The following LRP1B variants were observed in gnomAD, a reference collection of about 807,000 sequenced individuals.
The protein encoded by LRP1B is low-density lipoprotein receptor-related protein 1B.
A neutral mutation model predicts 556.6 loss-of-function variants in LRP1B; 217 were observed. The observed-to-expected ratio is 0.39, with a 90% confidence interval of 0.35 to 0.44. The LOEUF (loss-of-function observed/expected upper bound fraction) is 0.44. Ranked by LOEUF, LRP1B falls within the 20% of genes least tolerant of loss-of-function variation. LRP1B has a pLI of 1.00. For missense variants in LRP1B, 5,053 were observed against 5,620.8 expected (o/e 0.90, Z 3.23); for synonymous variants, 2,047 against 1,865.8 (o/e 1.10, Z -2.50).
At chr2:140,562,045 G>T (rs1004339148) in intron 43 of LRP1B, among the ~76,000 whole-genome samples, 17 of 152,164 alleles carry the variant, frequency 1.1e-4, no homozygotes, top group African/African-American at 4.1e-4. Flanking sequence ...TTCATGAGAA[G>T]AAGATACAGC....
At chr2:141,897,534 C>T (rs944429329) in intron 1 of LRP1B, among the ~76,000 whole-genome samples, 2 of 152,174 alleles carry the variant, frequency 1.3e-5, no homozygotes, top group African/African-American at 4.8e-5. Context: ...CTAAGGAGTT[C>T]CACTCCCTCC....
At chr2:140,602,807 T>G (rs561122861) in intron 41 of LRP1B, among the ~76,000 whole-genome samples, 1 of 152,120 alleles carries the variant, frequency 6.6e-6, no homozygotes, top group South Asian at 2.1e-4. Context: ...TGGCTATCAT[T>G]TTAGTTGCCA....
At chr2:141,591,834 TAGCCA>T (rs1687351880) in intron 2 of LRP1B, among the ~76,000 whole-genome samples, 1 of 151,938 alleles carries the variant, frequency 6.6e-6, no homozygotes, top group African/African-American at 2.4e-5. Context: ...TGGGACACAA[TAGCCA>T]GCTGTTATTT....
intron 2 of LRP1B, among the ~76,000 whole-genome samples, chr2:141,784,026 C>A (rs1204456678): frequency 2.0e-5 from 3 of 151,828 alleles, no homozygotes; most frequent in Non-Finnish European, 4.4e-5. Flanking sequence ...GTGATAAAAT[C>A]AATCTCTTTA....
intron 77 of LRP1B, among the ~76,000 whole-genome samples, chr2:140,342,736 A>C (rs1199255714): frequency 6.6e-6 from 1 of 151,622 alleles, no homozygotes; most frequent in African/African-American, 2.4e-5. Flanking sequence ...GAGAAATGAA[A>C]GACTAATATT....
At chr2:140,571,253 T>C (rs933429628) in intron 43 of LRP1B, among the ~76,000 whole-genome samples, 3 of 151,754 alleles carry the variant, frequency 2.0e-5, no homozygotes, top group Non-Finnish European at 4.4e-5. Context: ...ATCTTCCATA[T>C]AGGAAACCCT....
chr2:140,976,851 C>A (rs1192833072), intron 18 of LRP1B, among the ~76,000 whole-genome samples: 1 of 151,948 alleles, frequency 6.6e-6, no homozygotes, highest in Admixed American at 6.6e-5. Flanking sequence ...TAGGTAATTT[C>A]CAAAGTTGAA....
intron 3 of LRP1B, among the ~76,000 whole-genome samples, chr2:141,255,738 T>C (rs1650355561): frequency 6.6e-6 from 1 of 151,876 alleles, no homozygotes; most frequent in African/African-American, 2.4e-5. Context: ...TCCAGATTTA[T>C]ACTCCATTTC....
chr2:140,888,582 ATGAG>A (rs927357411), intron 23 of LRP1B, among the ~76,000 whole-genome samples: 3 of 151,784 alleles, frequency 2.0e-5, no homozygotes, highest in African/African-American at 7.2e-5. Flanking sequence ...TAAAAAACAG[ATGAG>A]TAAGATATGC....
At chr2:141,650,810 T>C (rs1175353652) in intron 2 of LRP1B, among the ~76,000 whole-genome samples, 1 of 152,212 alleles carries the variant, frequency 6.6e-6, no homozygotes, top group Non-Finnish European at 1.5e-5. Context: ...CTTTTAGATT[T>C]GTGCTGTTTT....
intron 2 of LRP1B, among the ~76,000 whole-genome samples, chr2:141,490,370 C>CGTGTGTGTGTGT (rs767310378): frequency 2.5e-5 from 3 of 121,228 alleles, no homozygotes; most frequent in African/African-American, 1.0e-4. Flanking sequence ...AAAATAGCCT[C>CGTGTGTGTGTGT]GTGTGTGTGT....
intron 20 of LRP1B, among the ~76,000 whole-genome samples, chr2:140,931,260 G>A (rs192767452): frequency 5.3e-5 from 8 of 152,176 alleles, no homozygotes; most frequent in Admixed American, 2.6e-4. Flanking sequence ...TAGGTCATCT[G>A]GATTTGCCAT....
chr2:140,602,909 C>T (rs1209770165), intron 41 of LRP1B, among the ~76,000 whole-genome samples: 1 of 151,532 alleles, frequency 6.6e-6, no homozygotes, highest in Non-Finnish European at 1.5e-5. Flanking sequence ...TTTCCATTTC[C>T]CAAGAAGAAA....
chr2:141,085,881 T>C (rs764455347), intron 7 of LRP1B, among the ~76,000 whole-genome samples: 2 of 152,198 alleles, frequency 1.3e-5, no homozygotes, highest in East Asian at 1.9e-4. Context: ...ATAGTTTCCC[T>C]ACCATTCCTT....
At chr2:140,925,457 C>T (rs1482518441) in intron 20 of LRP1B, among the ~76,000 whole-genome samples, 1 of 152,094 alleles carries the variant, frequency 6.6e-6, no homozygotes, top group African/African-American at 2.4e-5. Flanking sequence ...TTTTTTTCTT[C>T]TTTCCTTCTA....
At chr2:140,948,405 A>G (rs1695605329) in intron 20 of LRP1B, among the ~76,000 whole-genome samples, 1 of 152,202 alleles carries the variant, frequency 6.6e-6, no homozygotes. Context: ...TTTTTCACTC[A>G]ATATTAATGA....
chr2:140,325,159 G>A (rs1243757929), intron 80 of LRP1B, among the ~76,000 whole-genome samples: 1 of 151,896 alleles, frequency 6.6e-6, no homozygotes, highest in Non-Finnish European at 1.5e-5. Context: ...AACTGAGACA[G>A]CCAGGCAGAG....
At chr2:140,449,092 G>A (rs1380339218) in intron 63 of LRP1B, among the ~76,000 whole-genome samples, 1 of 151,974 alleles carries the variant, frequency 6.6e-6, no homozygotes, top group East Asian at 1.9e-4. Flanking sequence ...GTTCCAGGAT[G>A]AAATTTCAGT....
intron 2 of LRP1B, among the ~76,000 whole-genome samples, chr2:141,481,614 A>T (rs907284391): frequency 6.6e-6 from 1 of 152,200 alleles, no homozygotes; most frequent in Non-Finnish European, 1.5e-5. Context: ...TGTGAATGTC[A>T]ACAGTTATTG....
Sources: allele counts gnomAD v4.1 joint callset (sites outside exome capture counted in the v4.1 genomes callset), GRCh38; gene constraint gnomAD v4.1.1; transcripts MANE v1.5; gene names NCBI Gene and HGNC (gene_info 2026-07-23, HGNC 2026-07-21).